OR1M1: variants seen among roughly 807,000 people sequenced by gnomAD.
OR1M1 encodes olfactory receptor 1M1.
For missense variants in OR1M1, 397 were observed against 401.8 expected, an observed-to-expected ratio of 0.99 and a Z score of 0.10; for synonymous variants, 157 against 165.5, an observed-to-expected ratio of 0.95 and a Z score of 0.39.
rs376976283 is a variant in OR1M1, at chr19:9,093,807, C to G, written c.563C>G (p.Ser188Trp). The change falls in exon 2 of 2, where the codon TCG becomes TGG. Residue 188 changes from serine (S) to tryptophan (W), a missense_variant. Physicochemically the swap from Ser to Trp is radical, Grantham distance 177 (BLOSUM62 -3). Transcript: ENST00000641627. ...FCDLTPILRL[S>W]CTDTSVNRIF... is the part of the protein sequence containing the mutation. Reference sequence around the variant, plus strand: ...GACCTCACTCCCATCCTCCGACTTTCGTGCACGGACACCTCTGTGAATAGG... The same window carrying G: ...GACCTCACTCCCATCCTCCGACTTTGGTGCACGGACACCTCTGTGAATAGG... 1 of 1,614,018 alleles carries G rather than the reference C, an allele frequency of 6.2e-7. No homozygotes were observed. The highest frequency in any genetic ancestry group is 1.1e-5 in the South Asian group (1 of 91,088).
At position 9,087,151 on chromosome 19, in the gene OR1M1, T is replaced by C. The variant is rs1341906874; in HGVS notation, c.-20T>C. 1 of 136,920 alleles carries C rather than the reference T, an allele frequency of 7.3e-6. No individual in the cohort carries two copies. Among genetic ancestry groups the C allele is most frequent in the Non-Finnish European group, 1.5e-5 (1 of 64,672 alleles). 8.5% of individuals were successfully genotyped at this position (136,920 alleles called of 1,614,324 possible). On this transcript the variant is annotated 5_prime_UTR_variant, in exon 1 of 2. Transcript: ENST00000641627. ...GTGATGGTGTCAAGAAGAGGAAAGA[T>C]AGCCCAGTGAGTGAGCTGAGAGAGA...
rs1333032690 is a variant in OR1M1, at chr19:9,093,929, C to T, written c.685C>T (p.Pro229Ser). 3 of 1,614,034 alleles carry T rather than the reference C, an allele frequency of 1.9e-6. No individual in the cohort carries two copies. Among genetic ancestry groups the T allele is most frequent in the African/African-American group, 2.7e-5 (2 of 74,928 alleles). The change falls in exon 2 of 2, where the codon CCC becomes TCC. Residue 229 changes from proline (P) to serine (S), a missense_variant. Physicochemically the swap from Pro to Ser is moderately conservative, Grantham distance 74. Coordinates refer to ENST00000641627, the MANE Select transcript of OR1M1 (RefSeq NM_001004456.2). ...CATCCTTGTGGCCATCATGAAGGTC[C>T]CCTCTGCAGGCGGCAGGAAGAAAGC... is the stretch of plus-strand genomic sequence containing the variant. ...ARILVAIMKVPSAGGRKKAFS... is the reference protein window; with the variant it reads ...ARILVAIMKVSSAGGRKKAFS...
intron 1 of OR1M1, among the ~76,000 whole-genome samples, chr19:9,089,388 G>A (rs2050280945): frequency 6.7e-6 from 1 of 149,850 alleles, no homozygotes; most frequent in African/African-American, 2.5e-5. Context: ...CATTTTTATG[G>A]CTGAATAGTT....
chr19:9,090,790 A>G (rs2050288071), intron 1 of OR1M1, among the ~76,000 whole-genome samples: 1 of 152,048 alleles, frequency 6.6e-6, no homozygotes, highest in African/African-American at 2.4e-5. Context: ...GCTTAAGATT[A>G]GTGAACTTGG....
intron 1 of OR1M1, 153 bp from the exon 2 acceptor site, chr19:9,093,079 T>TAC (rs560891702): frequency 0.042 from 17,002 of 403,724 alleles, 560 homozygotes; most frequent in African/African-American, 0.17. Context: ...ATTCTATATA[T>TAC]ACACACACAC....
chr19:9,093,077 T>TACACAC lies in OR1M1; in HGVS notation c.-13-154_-13-153insCACACA, dbSNP rs545067737. ...TACACACACACATATATATTCTATA[T>TACACAC]ATACACACACACACACACACACACA... On this transcript the variant is annotated intron_variant, in intron 1 of 1. Coordinates refer to ENST00000641627, the MANE Select transcript of OR1M1 (RefSeq NM_001004456.2). 3.8e-3 allele frequency: 1,758 copies of TACACAC among 458,740 alleles called. 11 individuals carry two copies. The highest frequency in any genetic ancestry group is 0.031 in the African/African-American group (1,328 of 42,976). The allele number at this position is 458,740 out of a possible 1,614,324, so 28.4% of individuals were successfully genotyped here.
intron 1 of OR1M1, among the ~76,000 whole-genome samples, chr19:9,091,040 G>A (rs1478892798): frequency 6.6e-6 from 1 of 151,848 alleles, no homozygotes; most frequent in Admixed American, 6.6e-5. Context: ...GGTGGTGGGC[G>A]CCTGTAGTCC....
intron 1 of OR1M1, among the ~76,000 whole-genome samples, chr19:9,088,308 G>A (rs2050275140): frequency 6.6e-6 from 1 of 152,196 alleles, no homozygotes; most frequent in African/African-American, 2.4e-5. Flanking sequence ...AGCCCTTGGA[G>A]ATTCCCAAGT....
chr19:9,091,166 C>CA (rs1160923027), intron 1 of OR1M1, among the ~76,000 whole-genome samples: 26 of 150,334 alleles, frequency 1.7e-4, no homozygotes, highest in Admixed American at 8.6e-4. Context: ...GACTCTGTCT[C>CA]AAAAAAAACA....
chr19:9,087,168 T>TGAGAGA lies in OR1M1; in HGVS notation c.-14+30_-14+35dup, dbSNP rs57934578. ...AGGAAAGATAGCCCAGTGAGTGAGC[T>TGAGAGA]GAGAGAGAGAGAGAGAGAGAGAGAC... On this transcript the variant is annotated intron_variant, in intron 1 of 1. Coordinates refer to ENST00000641627, the MANE Select transcript of OR1M1 (RefSeq NM_001004456.2). 2 of 149,972 alleles carry TGAGAGA rather than the reference T, an allele frequency of 1.3e-5. No homozygotes were observed. Among genetic ancestry groups the TGAGAGA allele is most frequent in the African/African-American group, 2.4e-5 (1 of 40,882 alleles). The allele number at this position is 149,972 out of a possible 1,614,324, so 9.3% of individuals were successfully genotyped here.
At chr19:9,089,640 G>T (rs2050282817) in intron 1 of OR1M1, among the ~76,000 whole-genome samples, 2 of 152,032 alleles carry the variant, frequency 1.3e-5, no homozygotes, top group Admixed American at 6.6e-5. Context: ...GGCCAGGCTG[G>T]TCTCGAACTC....
In OR1M1 at chr19:9,094,208, T is replaced by TG. The variant is rs759812439; in HGVS notation, c.*28dup. The TG allele has an allele frequency of 4.3e-5, 64 of 1,490,986 alleles. No homozygotes were observed. Among genetic ancestry groups the TG allele is most frequent in the Non-Finnish European group, 5.7e-5 (62 of 1,085,542 alleles). 92.4% of individuals were successfully genotyped at this position (1,490,986 alleles called of 1,614,324 possible). On this transcript the variant is annotated 3_prime_UTR_variant, in exon 2 of 2. Transcript: ENST00000641627. ...CTGACCACCAGGACTCAGGAACTTCTGGGGGGTAGAATATATACATCTGGG... is the reference window on the plus strand; with the variant it reads ...CTGACCACCAGGACTCAGGAACTTCTGGGGGGGTAGAATATATACATCTGGG...
In OR1M1 at chr19:9,094,213, G is replaced by C. The variant is rs1263047548; in HGVS notation, c.*27G>C. The C allele has an allele frequency of 1.4e-6, 2 of 1,441,902 alleles. No individual in the cohort carries two copies. Among genetic ancestry groups the C allele is most frequent in the South Asian group, 2.4e-5 (2 of 84,668 alleles). The allele number at this position is 1,441,902 out of a possible 1,614,324, so 89.3% of individuals were successfully genotyped here. ...CACCAGGACTCAGGAACTTCTGGGG[G>C]GTAGAATATATACATCTGGGAGTCT... On this transcript the variant is annotated 3_prime_UTR_variant, in exon 2 of 2. Coordinates refer to ENST00000641627, the MANE Select transcript of OR1M1 (RefSeq NM_001004456.2).
intron 1 of OR1M1, among the ~76,000 whole-genome samples, chr19:9,091,237 C>T (rs2050291309): frequency 6.6e-6 from 1 of 151,906 alleles, no homozygotes; most frequent in Non-Finnish European, 1.5e-5. Flanking sequence ...CCCATAATCC[C>T]GGCACTTTGG....
intron 1 of OR1M1, among the ~76,000 whole-genome samples, chr19:9,089,454 G>A (rs947783823): frequency 3.8e-5 from 5 of 130,696 alleles, no homozygotes; most frequent in Non-Finnish European, 4.7e-5. Context: ...ACAGAGTTTC[G>A]CTCTTGTCAC....
Position 9,094,168 on chromosome 19 carries a change from G to A in OR1M1, c.924G>A (p.Lys308=). The A allele has an allele frequency of 6.2e-7, 1 of 1,607,986 alleles. No homozygotes were observed. Among genetic ancestry groups the A allele is most frequent in the Non-Finnish European group, 8.5e-7 (1 of 1,178,902 alleles). The part of the protein sequence containing the change: ...KGALRKLVNR[K]ITSSS ...CTCTCAGGAAGCTGGTCAACAGAAA[G>A]ATCACCTCATCTTCCTGACCACCAG... is the stretch of plus-strand genomic sequence containing the variant. The change falls in exon 2 of 2, where the codon AAG becomes AAA. Residue 308 remains lysine, a synonymous_variant. Coordinates refer to ENST00000641627, the MANE Select transcript of OR1M1 (RefSeq NM_001004456.2).
At chr19:9,092,045 A>G (rs1024945920) in intron 1 of OR1M1, among the ~76,000 whole-genome samples, 1 of 142,874 alleles carries the variant, frequency 7.0e-6, no homozygotes, top group African/African-American at 2.6e-5. Context: ...AGTACTTGGA[A>G]CTATAGGTGT....
chr19:9,091,636 G>A (rs2050293678), intron 1 of OR1M1, among the ~76,000 whole-genome samples: 1 of 151,690 alleles, frequency 6.6e-6, no homozygotes, highest in Admixed American at 6.6e-5. Flanking sequence ...TCCAGCCTAG[G>A]CAACAGAGCA....
Position 9,093,590 on chromosome 19 carries a change from G to T in OR1M1, c.346G>T (p.Ala116Ser), listed in dbSNP as rs768588927. ...FFGIVDSVII[A>S]MMAYDRFVAI... ...TGGCATCGTGGACAGCGTCATAATC[G>T]CCATGATGGCTTATGACCGGTTCGT... is the stretch of plus-strand genomic sequence containing the variant. Residue 116 changes from alanine to serine, a missense_variant, in exon 2 of 2, where the codon GCC becomes TCC. By Grantham distance (99) the Ala-to-Ser change is moderately conservative. Coordinates refer to ENST00000641627, the MANE Select transcript of OR1M1 (RefSeq NM_001004456.2). 1 of 1,614,008 alleles carries T rather than the reference G, an allele frequency of 6.2e-7. No homozygotes were observed. Among genetic ancestry groups the T allele is most frequent in the Non-Finnish European group, 8.5e-7 (1 of 1,179,954 alleles).
Sources: gnomAD v4.1 joint callset for allele counts (sites outside exome capture counted in the v4.1 genomes callset) on GRCh38, gnomAD v4.1.1 for gene constraint, MANE v1.5 for transcripts, NCBI Gene and HGNC (gene_info 2026-07-23, HGNC 2026-07-21) for gene names.